Variants in RASAL2 observed in about 807,000 individuals in gnomAD.
RASAL2 encodes ras GTPase-activating protein nGAP.
RASAL2 carries 58 observed loss-of-function variants against 128.9 expected under a neutral mutation model. The observed-to-expected ratio is 0.45, with a 90% CI of 0.36 to 0.56. The LOEUF (loss-of-function observed/expected upper bound fraction) is 0.56. Among genes scored for constraint, RASAL2 ranks in the 20% least tolerant of loss-of-function variants. The pLI is 0.00. For synonymous variants in RASAL2, 561 were observed against 580.8 expected, an observed-to-expected ratio of 0.97 and a Z score of 0.49; for missense variants, 1,360 against 1,601.6, an observed-to-expected ratio of 0.85 and a Z score of 2.57.
intron 1 of RASAL2, among the ~76,000 whole-genome samples, chr1:178,173,509 T>G (rs914662252): frequency 6.6e-6 from 1 of 152,130 alleles, no homozygotes; most frequent in Non-Finnish European, 1.5e-5. Context: ...GGGTATTCCC[T>G]GAAATTACAC....
intron 2 of RASAL2, among the ~76,000 whole-genome samples, chr1:178,297,465 G>T (rs908573672): frequency 6.6e-6 from 1 of 151,382 alleles, no homozygotes; most frequent in Non-Finnish European, 1.5e-5. Context: ...AAATCAGCTG[G>T]GCGTGGTGGC....
intron 16 of RASAL2, among the ~76,000 whole-genome samples, 160 bp downstream of exon 16, chr1:178,466,282 T>G (rs982416844): frequency 4.6e-5 from 7 of 152,214 alleles, no homozygotes; most frequent in African/African-American, 1.7e-4. Context: ...ATCCTAAATA[T>G]GAGACCTTGG....
intron 3 of RASAL2, among the ~76,000 whole-genome samples, chr1:178,370,330 T>C (rs967425661): frequency 6.6e-6 from 1 of 152,200 alleles, no homozygotes; most frequent in African/African-American, 2.4e-5. Context: ...TGTAGGCTAC[T>C]GATGTCCAAT....
At chr1:178,113,090 G>A (rs899058896) in intron 1 of RASAL2, among the ~76,000 whole-genome samples, 1 of 151,922 alleles carries the variant, frequency 6.6e-6, no homozygotes, top group Admixed American at 6.6e-5. Flanking sequence ...ATATCAAATA[G>A]CACCATTTGT....
chr1:178,346,543 A>G (rs912491635), intron 3 of RASAL2, among the ~76,000 whole-genome samples: 1 of 152,220 alleles, frequency 6.6e-6, no homozygotes, highest in African/African-American at 2.4e-5. Context: ...ACGCTATTAT[A>G]TGAGTAGCAT....
At chr1:178,194,674 A>G (rs1285038205) in intron 1 of RASAL2, 1 of 177,344 alleles carries the variant, frequency 5.6e-6, no homozygotes, top group Admixed American at 5.3e-5. Flanking sequence ...CTTCCTCACC[A>G]GTGGATTTAC....
chr1:178,447,840 G>A (rs1275771018), intron 9 of RASAL2, among the ~76,000 whole-genome samples: 4 of 152,044 alleles, frequency 2.6e-5, no homozygotes, highest in Non-Finnish European at 5.9e-5. Context: ...AAGCAAGGAG[G>A]GAACGAATAT....
intron 3 of RASAL2, among the ~76,000 whole-genome samples, chr1:178,338,604 C>T (rs1669710638): frequency 6.6e-6 from 1 of 152,104 alleles, no homozygotes; most frequent in African/African-American, 2.4e-5. Context: ...ATCTCACAGC[C>T]TTTTAGAAAC....
At chr1:178,236,299 C>T (rs1365125669) in intron 1 of RASAL2, among the ~76,000 whole-genome samples, 1 of 152,132 alleles carries the variant, frequency 6.6e-6, no homozygotes, top group Admixed American at 6.5e-5. Context: ...TAAGTATATA[C>T]TATGATGGTC....
chr1:178,378,649 A>T (rs1456484331), intron 3 of RASAL2, among the ~76,000 whole-genome samples: 1 of 152,132 alleles, frequency 6.6e-6, no homozygotes, highest in African/African-American at 2.4e-5. Flanking sequence ...AAAAACCTTT[A>T]TTTTTGCAGT....
chr1:178,197,223 C>T (rs979368778), intron 1 of RASAL2, among the ~76,000 whole-genome samples: 5 of 151,878 alleles, frequency 3.3e-5, no homozygotes, highest in African/African-American at 4.8e-5. Flanking sequence ...TTTGGGGGGC[C>T]GAGGCAGGCA....
At chr1:178,348,247 T>G (rs1460549391) in intron 3 of RASAL2, among the ~76,000 whole-genome samples, 2 of 152,214 alleles carry the variant, frequency 1.3e-5, no homozygotes, top group Non-Finnish European at 2.9e-5. Context: ...TTGTGAAAAC[T>G]TATTGACCTG....
At chr1:178,253,748 A>C (rs1033847007) in intron 1 of RASAL2, among the ~76,000 whole-genome samples, 28 of 152,196 alleles carry the variant, frequency 1.8e-4, no homozygotes, top group South Asian at 2.1e-4. Context: ...GAATTTCACA[A>C]GGTAATGTCA....
rs114405867 is a variant in RASAL2 at position 178,211,385 on chromosome 1, T to C, written c.203-72179T>C. ...TCCTGCTCGTTGCCAGAAAGAGCTT[T>C]CTTAAAAAAGCACAAACATGATCAC... On this transcript the variant is annotated intron_variant, in intron 1 of 17. Coordinates refer to ENST00000367649, the MANE Select transcript of RASAL2 (RefSeq NM_170692.4). Among the ~76,000 whole-genome samples, 151 of 152,282 alleles carry C rather than the reference T, an allele frequency of 9.9e-4. 1 individual carries two copies. Among genetic ancestry groups the C allele is most frequent in the Non-Finnish European group, 1.9e-3 (127 of 68,016 alleles).
intron 1 of RASAL2, among the ~76,000 whole-genome samples, chr1:178,185,747 G>A (rs1196766424): frequency 6.6e-6 from 1 of 151,984 alleles, no homozygotes; most frequent in Non-Finnish European, 1.5e-5. Context: ...ACTTGGTTAT[G>A]TTATATAATT....
intron 15 of RASAL2, among the ~76,000 whole-genome samples, chr1:178,465,145 T>C (rs1647546394): frequency 6.6e-6 from 1 of 152,108 alleles, no homozygotes; most frequent in African/African-American, 2.4e-5. Flanking sequence ...TATGTAAAGC[T>C]CCTTAGAACA....
chr1:178,119,617 T>C (rs1044240686), intron 1 of RASAL2, among the ~76,000 whole-genome samples: 3 of 152,246 alleles, frequency 2.0e-5, no homozygotes, highest in Non-Finnish European at 4.4e-5. Context: ...TTTCCTGATA[T>C]GTATTCATTC....
intron 1 of RASAL2, among the ~76,000 whole-genome samples, chr1:178,213,894 GAA>G (rs900950666): frequency 6.9e-6 from 1 of 145,740 alleles, no homozygotes; most frequent in Admixed American, 6.8e-5. Flanking sequence ...TTTATATAGG[GAA>G]AAAAAAAACT....
intron 5 of RASAL2, among the ~76,000 whole-genome samples, chr1:178,431,771 A>G (rs1675921280): frequency 6.6e-6 from 1 of 151,886 alleles, no homozygotes; most frequent in South Asian, 2.1e-4. Flanking sequence ...CAATATGGAT[A>G]GAAGTCCAAA....
Sources: allele counts gnomAD v4.1 joint callset (sites outside exome capture counted in the v4.1 genomes callset), GRCh38; gene constraint gnomAD v4.1.1; transcripts MANE v1.5; gene names NCBI Gene and HGNC (gene_info 2026-07-23, HGNC 2026-07-21).